CNTNAP2: variants seen among roughly 807,000 people sequenced by gnomAD.
CNTNAP2 encodes the protein contactin associated protein 2.
CNTNAP2 carries 98 observed loss-of-function variants against 155.2 expected under a neutral mutation model. The observed-to-expected ratio is 0.63, with a 90% CI of 0.54 to 0.75. CNTNAP2 has a LOEUF of 0.75. CNTNAP2 is among the 30% of genes least tolerant of loss of function. The pLI is 0.00. For missense variants in CNTNAP2, 1,727 were observed against 1,688.1 expected (o/e 1.02, Z -0.40); for synonymous variants, 651 against 631.2 (o/e 1.03, Z -0.47).
At position 147,515,628 on chromosome 7, in the gene CNTNAP2, T is replaced by C. The variant is rs546672682; in HGVS notation, c.1777+29587T>C. Reference sequence around the variant, plus strand: ...GAACCACTGTATGCAGCCCATTATATTCTAATATACTGCATCTTTTGCTTA... The same window carrying C: ...GAACCACTGTATGCAGCCCATTATACTCTAATATACTGCATCTTTTGCTTA... On this transcript the variant is annotated intron_variant, in intron 11 of 23. Transcript: ENST00000361727. Among the ~76,000 whole-genome samples the C allele has an allele frequency of 6.6e-5, 10 of 152,262 alleles. No individual in the cohort carries two copies. The South Asian group carries it at 1.0e-3, about 16-fold the overall frequency.
chr7:147,041,759 A>AAT (rs1232637036), intron 3 of CNTNAP2, among the ~76,000 whole-genome samples: 16 of 152,218 alleles, frequency 1.1e-4, no homozygotes, highest in African/African-American at 3.9e-4. Context: ...TGTTTTTCTA[A>AAT]ATATTGACAT....
intron 11 of CNTNAP2, among the ~76,000 whole-genome samples, chr7:147,546,548 G>C (rs1224035522): frequency 6.6e-6 from 1 of 152,128 alleles, no homozygotes; most frequent in Admixed American, 6.5e-5. Context: ...ACCATCTTTT[G>C]AGGATTAAAA....
At chr7:147,382,990 T>C (rs1350599961) in intron 9 of CNTNAP2, among the ~76,000 whole-genome samples, 6 of 152,192 alleles carry the variant, frequency 3.9e-5, no homozygotes. Context: ...TAGTTTATCT[T>C]CCTAATGAGA....
At chr7:148,313,891 T>C (rs1563037871) in intron 21 of CNTNAP2, among the ~76,000 whole-genome samples, 1 of 152,110 alleles carries the variant, frequency 6.6e-6, no homozygotes, top group Non-Finnish European at 1.5e-5. Flanking sequence ...TTATATTTGA[T>C]GAAAAAGAGC....
chr7:147,135,052 G>A (rs1473819662), intron 8 of CNTNAP2, among the ~76,000 whole-genome samples: 1 of 151,826 alleles, frequency 6.6e-6, no homozygotes, highest in African/African-American at 2.4e-5. Flanking sequence ...CAGGATGAAT[G>A]TAACCCAATT....
chr7:146,942,646 T>A (rs747461680), intron 3 of CNTNAP2, among the ~76,000 whole-genome samples: 1 of 151,328 alleles, frequency 6.6e-6, no homozygotes, highest in Non-Finnish European at 1.5e-5. Context: ...GACACAGGAG[T>A]GGCCAATGAA....
chr7:146,833,636 G>T (rs1562966682), intron 2 of CNTNAP2, among the ~76,000 whole-genome samples: 1 of 152,140 alleles, frequency 6.6e-6, no homozygotes, highest in Non-Finnish European at 1.5e-5. Flanking sequence ...GTTTAAGTGA[G>T]TAATCAGCTT....
chr7:148,182,396 T>C (rs868516034), intron 18 of CNTNAP2, among the ~76,000 whole-genome samples: 2 of 152,142 alleles, frequency 1.3e-5, no homozygotes, highest in African/African-American at 2.4e-5. Context: ...ACGCTGCCCT[T>C]GAGTACTCCA....
intron 1 of CNTNAP2, among the ~76,000 whole-genome samples, chr7:146,737,259 C>T (rs1801636766): frequency 6.6e-6 from 1 of 152,004 alleles, no homozygotes; most frequent in Non-Finnish European, 1.5e-5. Flanking sequence ...TATGCATTAC[C>T]TCACATAGTT....
intron 21 of CNTNAP2, among the ~76,000 whole-genome samples, chr7:148,278,050 C>T (rs1796907068): frequency 1.3e-5 from 2 of 152,156 alleles, no homozygotes; most frequent in Admixed American, 1.3e-4. Context: ...GGCCTTTGGT[C>T]TTGTCACATC....
intron 13 of CNTNAP2, among the ~76,000 whole-genome samples, chr7:147,671,218 C>T (rs934382675): frequency 5.9e-5 from 9 of 152,194 alleles, no homozygotes; most frequent in Non-Finnish European, 1.2e-4. Context: ...AAGGAGTTGA[C>T]GGCTGTGAGC....
At position 146,280,079 on chromosome 7, in the gene CNTNAP2, T is replaced by C. The variant is rs1477880463; in HGVS notation, c.97+163106T>C. Among the ~76,000 whole-genome samples, 2 of 152,158 alleles carry C rather than the reference T, an allele frequency of 1.3e-5. 1 individual carries two copies. The highest frequency in any genetic ancestry group is 2.9e-5 in the Non-Finnish European group (2 of 68,028). On this transcript the variant is annotated intron_variant, in intron 1 of 23. Coordinates refer to ENST00000361727, the MANE Select transcript of CNTNAP2 (RefSeq NM_014141.6). Reference sequence around the variant, plus strand: ...TTTAAGTTAACGGTAGGATTTTTACTGTGTGTGCGTGTCGATGTGTGTGTG... The same window carrying C: ...TTTAAGTTAACGGTAGGATTTTTACCGTGTGTGCGTGTCGATGTGTGTGTG...
intron 1 of CNTNAP2, among the ~76,000 whole-genome samples, chr7:146,292,194 TTAAAATGAC>T (rs1435240381): frequency 1.3e-5 from 2 of 152,252 alleles, no homozygotes; most frequent in East Asian, 3.9e-4. Flanking sequence ...CTCACTCTTG[TTAAAATGAC>T]TGTTGTTCCC....
intron 13 of CNTNAP2, among the ~76,000 whole-genome samples, chr7:147,734,506 G>C (rs892351647): frequency 6.6e-6 from 1 of 152,078 alleles, no homozygotes; most frequent in African/African-American, 2.4e-5. Context: ...GCCAGGCTTC[G>C]GTATCAGGAT....
intron 3 of CNTNAP2, among the ~76,000 whole-genome samples, chr7:146,896,813 A>C (rs1394159127): frequency 6.6e-6 from 1 of 152,146 alleles, no homozygotes. Context: ...CTTTAATAAA[A>C]TTATAACTAG....
chr7:146,163,159 T>TA (rs1278615565), intron 1 of CNTNAP2, among the ~76,000 whole-genome samples: 6 of 151,902 alleles, frequency 3.9e-5, no homozygotes, highest in African/African-American at 2.4e-5. Context: ...AGTATAATAA[T>TA]AAAAAAATTA....
intron 17 of CNTNAP2, among the ~76,000 whole-genome samples, chr7:148,152,768 C>G (rs1805320723): frequency 6.6e-6 from 1 of 152,110 alleles, no homozygotes; most frequent in South Asian, 2.1e-4. Flanking sequence ...CGCCTGTAAT[C>G]CCAGCACTTT....
At chr7:147,870,263 G>A (rs533499450) in intron 13 of CNTNAP2, among the ~76,000 whole-genome samples, 14 of 152,296 alleles carry the variant, frequency 9.2e-5, no homozygotes, top group African/African-American at 1.7e-4. Context: ...GAGGAAAGAG[G>A]GAAGGAAGGA....
chr7:147,216,829 A>C (rs1803279643), intron 8 of CNTNAP2, among the ~76,000 whole-genome samples: 1 of 151,984 alleles, frequency 6.6e-6, no homozygotes, highest in Non-Finnish European at 1.5e-5. Context: ...TTATCTATCC[A>C]TCTATTTAGT....
Sources: allele counts gnomAD v4.1 joint callset (sites outside exome capture counted in the v4.1 genomes callset), GRCh38; gene constraint gnomAD v4.1.1; transcripts MANE v1.5; gene names NCBI Gene and HGNC (gene_info 2026-07-23, HGNC 2026-07-21).